The following DCC variants were observed in gnomAD, a reference collection of about 807,000 sequenced individuals.
DCC encodes DCC netrin 1 receptor.
Under a neutral mutation model 172.5 loss-of-function variants are expected in DCC, and 58 were observed. The ratio of observed to expected loss-of-function variants is 0.34; its 90% CI spans 0.27 to 0.42. The LOEUF is 0.42. Ranked by LOEUF, DCC falls within the 10% of genes least tolerant of loss-of-function variation. The probability of loss-of-function intolerance (pLI) is 1.00; values close to 1 mark genes in which losing one functional copy is unlikely to be tolerated. For missense variants in DCC, 1,740 were observed against 1,791.0 expected, an observed-to-expected ratio of 0.97 and a Z score of 0.51; for synonymous variants, 709 against 644.5, an observed-to-expected ratio of 1.10 and a Z score of -1.52.
intron 4 of DCC, 122 bp from the exon 5 acceptor site, chr18:52,925,112 T>A (rs528000723): frequency 5.1e-6 from 5 of 979,290 alleles, no homozygotes; most frequent in African/African-American, 4.8e-5. Flanking sequence ...CAAGCCCTTA[T>A]GATACACAGT....
intron 5 of DCC, among the ~76,000 whole-genome samples, chr18:52,941,998 G>A (rs1223333358): frequency 6.6e-6 from 1 of 152,086 alleles, no homozygotes; most frequent in Non-Finnish European, 1.5e-5. Context: ...AGCCAGGGTG[G>A]TCTAGAACTT....
chr18:53,010,741 T>C (rs1456024861), intron 5 of DCC, among the ~76,000 whole-genome samples: 3 of 150,892 alleles, frequency 2.0e-5, no homozygotes, highest in Non-Finnish European at 4.4e-5. Context: ...TGATATACTT[T>C]CTGTTATATT....
intron 5 of DCC, among the ~76,000 whole-genome samples, chr18:52,961,805 A>G (rs1351224915): frequency 1.3e-5 from 2 of 151,736 alleles, no homozygotes; most frequent in Non-Finnish European, 2.9e-5. Context: ...ATAATGCCGC[A>G]TATCTACAAC....
At chr18:52,491,154 T>A (rs147508943) in intron 1 of DCC, among the ~76,000 whole-genome samples, 1 of 152,184 alleles carries the variant, frequency 6.6e-6, no homozygotes, top group East Asian at 1.9e-4. Context: ...TCCTCTTTTC[T>A]CTTTATCTTA....
At chr18:52,438,043 A>G (rs913797751) in intron 1 of DCC, among the ~76,000 whole-genome samples, 3 of 152,248 alleles carry the variant, frequency 2.0e-5, no homozygotes, top group Non-Finnish European at 4.4e-5. Flanking sequence ...CAGGTAGAAC[A>G]GCAATACAGA....
intron 7 of DCC, among the ~76,000 whole-genome samples, chr18:53,144,024 A>G (rs2043868990): frequency 6.6e-6 from 1 of 152,238 alleles, no homozygotes; most frequent in Non-Finnish European, 1.5e-5. Context: ...ATTCAAAGAT[A>G]TTGAAATGAA....
intron 1 of DCC, among the ~76,000 whole-genome samples, chr18:52,538,431 C>A (rs368578815): frequency 2.0e-5 from 3 of 152,152 alleles, no homozygotes; most frequent in African/African-American, 7.2e-5. Flanking sequence ...ACCACACAAA[C>A]GCTTTCACTA....
At chr18:52,977,611 C>T (rs1007710748) in intron 5 of DCC, among the ~76,000 whole-genome samples, 13 of 152,196 alleles carry the variant, frequency 8.5e-5, no homozygotes, top group Admixed American at 3.3e-4. Flanking sequence ...CTGGGCCGGG[C>T]GCAGTGGCTC....
intron 1 of DCC, among the ~76,000 whole-genome samples, chr18:52,467,019 C>A (rs924898891): frequency 5.4e-5 from 8 of 148,736 alleles, no homozygotes; most frequent in African/African-American, 2.0e-4. Flanking sequence ...TTGTGTGGTT[C>A]TTCTTGCTGT....
chr18:52,430,208 A>G (rs11665179), intron 1 of DCC, among the ~76,000 whole-genome samples: 10,031 of 152,136 alleles, frequency 0.066, 468 homozygotes, highest in Non-Finnish European at 0.1. Context: ...ATAAGAATAC[A>G]TCTCTTAGAA....
intron 7 of DCC, among the ~76,000 whole-genome samples, chr18:53,149,499 C>A (rs1352201533): frequency 6.6e-6 from 1 of 152,190 alleles, no homozygotes; most frequent in Non-Finnish European, 1.5e-5. Context: ...CTAGTCAAAT[C>A]TATTTATTTA....
At chr18:52,496,625 C>T (rs879745317) in intron 1 of DCC, among the ~76,000 whole-genome samples, 1 of 151,952 alleles carries the variant, frequency 6.6e-6, no homozygotes, top group Admixed American at 6.6e-5. Flanking sequence ...TCATTTCTGG[C>T]CCTGTATATC....
chr18:53,038,528 T>G (rs992549773), intron 5 of DCC, among the ~76,000 whole-genome samples: 1 of 151,980 alleles, frequency 6.6e-6, no homozygotes, highest in Non-Finnish European at 1.5e-5. Context: ...TACACTATCA[T>G]TAAGGTAGAA....
intron 5 of DCC, among the ~76,000 whole-genome samples, chr18:53,023,626 A>C (rs1357445900): frequency 6.6e-6 from 1 of 152,038 alleles, no homozygotes; most frequent in Admixed American, 6.6e-5. Context: ...AGGCAAAACT[A>C]TATTTGAGAG....
intron 14 of DCC, among the ~76,000 whole-genome samples, chr18:53,331,135 T>C (rs988697885): frequency 2.0e-5 from 3 of 152,230 alleles, no homozygotes; most frequent in Admixed American, 6.5e-5. Flanking sequence ...CATCCTATTA[T>C]GCTTATATAC....
At chr18:53,278,653 C>A (rs752508636) in intron 12 of DCC, among the ~76,000 whole-genome samples, 1 of 152,136 alleles carries the variant, frequency 6.6e-6, no homozygotes, top group East Asian at 1.9e-4. Flanking sequence ...CTCCTTAAAA[C>A]AATTCATTTT....
At chr18:53,131,286 A>C (rs1036658238) in intron 7 of DCC, among the ~76,000 whole-genome samples, 1 of 152,280 alleles carries the variant, frequency 6.6e-6, no homozygotes, top group South Asian at 2.1e-4. Context: ...GGGCTTTGAA[A>C]ACCCATAATT....
At chr18:52,787,658 C>A (rs1384348055) in intron 2 of DCC, among the ~76,000 whole-genome samples, 1 of 152,066 alleles carries the variant, frequency 6.6e-6, no homozygotes, top group African/African-American at 2.4e-5. Flanking sequence ...CAGGGGCCTT[C>A]TGAGCCATCC....
intron 1 of DCC, among the ~76,000 whole-genome samples, chr18:52,592,513 C>T (rs1390367327): frequency 1.3e-5 from 2 of 152,216 alleles, no homozygotes; most frequent in South Asian, 2.1e-4. Flanking sequence ...ACTCCTTTCT[C>T]CCGGCAAAAC....
Sources: allele counts gnomAD v4.1 joint callset (sites outside exome capture counted in the v4.1 genomes callset), GRCh38; gene constraint gnomAD v4.1.1; transcripts MANE v1.5; gene names NCBI Gene and HGNC (gene_info 2026-07-23, HGNC 2026-07-21).